SYN3: variants seen among roughly 807,000 people sequenced by gnomAD.
The protein encoded by SYN3 is synapsin III, also known as synapsin-3.
In SYN3, 35 loss-of-function variants were observed where a neutral mutation model predicts 65.8. That is an observed-to-expected ratio of 0.53 (90% CI 0.41 to 0.70). The LOEUF (loss-of-function observed/expected upper bound fraction) is 0.70, where lower values mean the gene tolerates loss of function less well. Ranked by LOEUF, SYN3 falls within the 30% of genes least tolerant of loss-of-function variation. SYN3 has a pLI of 0.00. For missense variants in SYN3, 680 were observed against 749.0 expected (o/e 0.91, Z 1.08); for synonymous variants, 270 against 292.9 (o/e 0.92, Z 0.80).
At chr22:32,573,692 G>T (rs1412552509) in intron 7 of SYN3, among the ~76,000 whole-genome samples, 1 of 151,526 alleles carries the variant, frequency 6.6e-6, no homozygotes, top group African/African-American at 2.4e-5. Context: ...CAGCCCCCGA[G>T]AGGAAGTCAC....
intron 1 of SYN3, among the ~76,000 whole-genome samples, chr22:33,013,822 T>G (rs954111772): frequency 3.9e-5 from 6 of 152,160 alleles, no homozygotes; most frequent in African/African-American, 1.4e-4. Flanking sequence ...CATGTGGTAT[T>G]TGTCTTTCTG....
intron 6 of SYN3, among the ~76,000 whole-genome samples, chr22:32,688,179 C>T (rs1350418263): frequency 2.0e-5 from 3 of 152,146 alleles, no homozygotes; most frequent in Non-Finnish European, 2.9e-5. Context: ...GTGGTACCTT[C>T]AACCCCACTT....
chr22:32,536,782 A>T (rs1477083570), intron 9 of SYN3, among the ~76,000 whole-genome samples: 1 of 152,216 alleles, frequency 6.6e-6, no homozygotes, highest in Non-Finnish European at 1.5e-5. Context: ...GATGAAGCCA[A>T]CACACAAAGA....
intron 7 of SYN3, among the ~76,000 whole-genome samples, chr22:32,546,542 G>C (rs1182360822): frequency 6.6e-6 from 1 of 152,208 alleles, no homozygotes; most frequent in South Asian, 2.1e-4. Flanking sequence ...CTGGAGCCTC[G>C]GTGGGTGGGT....
At chr22:32,965,596 A>AAG (rs1221239743) in intron 3 of SYN3, among the ~76,000 whole-genome samples, 28 of 146,256 alleles carry the variant, frequency 1.9e-4, no homozygotes, top group Admixed American at 1.6e-3. Flanking sequence ...GTGTGTGCGT[A>AAG]AGAGAGAGAG....
At chr22:32,738,173 C>T (rs1466058705) in intron 6 of SYN3, among the ~76,000 whole-genome samples, 1 of 152,124 alleles carries the variant, frequency 6.6e-6, no homozygotes, top group Admixed American at 6.5e-5. Flanking sequence ...CGCTTACCTG[C>T]ACTTATCAGA....
At chr22:32,707,515 T>C (rs977723784) in intron 6 of SYN3, among the ~76,000 whole-genome samples, 3 of 152,188 alleles carry the variant, frequency 2.0e-5, no homozygotes, top group African/African-American at 7.2e-5. Flanking sequence ...GGACCAGGGT[T>C]TACTTTCAGC....
At chr22:32,845,173 G>C (rs200325412) in intron 6 of SYN3, among the ~76,000 whole-genome samples, 1 of 132,626 alleles carries the variant, frequency 7.5e-6, no homozygotes, top group Non-Finnish European at 1.7e-5. Context: ...TGGTGCTTCT[G>C]TACCTTGGAG....
chr22:32,925,962 A>G (rs1168404829), intron 4 of SYN3, among the ~76,000 whole-genome samples: 2 of 145,744 alleles, frequency 1.4e-5, no homozygotes, highest in African/African-American at 5.1e-5. Flanking sequence ...AGTGATTCTC[A>G]TGCCTCAGCC....
intron 6 of SYN3, among the ~76,000 whole-genome samples, chr22:32,747,354 T>G (rs934151374): frequency 2.8e-5 from 3 of 107,222 alleles, no homozygotes; most frequent in Non-Finnish European, 6.1e-5. Flanking sequence ...TGGGAGGTGA[T>G]GTCCATGGGT....
At chr22:32,831,545 G>A (rs945000183) in intron 6 of SYN3, among the ~76,000 whole-genome samples, 1 of 152,210 alleles carries the variant, frequency 6.6e-6, no homozygotes, top group African/African-American at 2.4e-5. Context: ...CCATGGAGAT[G>A]CTATCCTGGA....
At chr22:32,568,404 C>A (rs180859811) in intron 7 of SYN3, among the ~76,000 whole-genome samples, 64 of 152,276 alleles carry the variant, frequency 4.2e-4, no homozygotes, top group African/African-American at 1.5e-3. Context: ...CAGGTATATT[C>A]TAGTCAGGGA....
At chr22:32,826,063 A>T (rs1467534490) in intron 6 of SYN3, among the ~76,000 whole-genome samples, 1 of 152,222 alleles carries the variant, frequency 6.6e-6, no homozygotes, top group Non-Finnish European at 1.5e-5. Context: ...ATTATTTTAT[A>T]GGTTTTTGTT....
intron 6 of SYN3, among the ~76,000 whole-genome samples, chr22:32,803,103 C>T: frequency 6.6e-6 from 1 of 152,130 alleles, no homozygotes; most frequent in Non-Finnish European, 1.5e-5. Context: ...CATCTCTCTC[C>T]TCCTTTCCAG....
chr22:32,943,315 T>G (rs1404368090), intron 3 of SYN3, among the ~76,000 whole-genome samples: 1 of 152,192 alleles, frequency 6.6e-6, no homozygotes, highest in Non-Finnish European at 1.5e-5. Flanking sequence ...GAAAAGAATT[T>G]TCAACCCAGA....
intron 6 of SYN3, among the ~76,000 whole-genome samples, chr22:32,654,585 C>G (rs912904886): frequency 6.6e-6 from 1 of 152,170 alleles, no homozygotes; most frequent in Non-Finnish European, 1.5e-5. Flanking sequence ...ACTTCTGTCT[C>G]TCTCCACACC....
chr22:32,867,615 G>T (rs2048719705), intron 5 of SYN3, among the ~76,000 whole-genome samples: 3 of 152,196 alleles, frequency 2.0e-5, no homozygotes, highest in Admixed American at 2.0e-4. Flanking sequence ...ATGGAGTCTT[G>T]CTCTGTCACC....
At chr22:32,530,572 G>A (rs1337540773) in intron 10 of SYN3, among the ~76,000 whole-genome samples, 1 of 151,594 alleles carries the variant, frequency 6.6e-6, no homozygotes, top group Admixed American at 6.6e-5. Flanking sequence ...TTTCCTCTAC[G>A]GGCCTATTTT....
intron 3 of SYN3, among the ~76,000 whole-genome samples, chr22:32,970,564 A>C (rs2051989066): frequency 6.6e-6 from 1 of 152,090 alleles, no homozygotes; most frequent in Non-Finnish European, 1.5e-5. Flanking sequence ...AAAAAAGAAA[A>C]AAAAAGGTAA....
Sources: allele counts gnomAD v4.1 joint callset (sites outside exome capture counted in the v4.1 genomes callset), GRCh38; gene constraint gnomAD v4.1.1; transcripts MANE v1.5; gene names NCBI Gene and HGNC (gene_info 2026-07-23, HGNC 2026-07-21).